Variants in CAMK1 observed in about 807,000 individuals in gnomAD.
CAMK1 encodes calcium/calmodulin-dependent protein kinase type 1.
Under a neutral mutation model 49.1 loss-of-function variants are expected in CAMK1, and 39 were observed. The ratio of observed to expected loss-of-function variants is 0.79; its 90% confidence interval spans 0.62 to 1.04. The LOEUF (loss-of-function observed/expected upper bound fraction) is 1.04. Ranked by LOEUF, CAMK1 falls within the 50% of genes least tolerant of loss-of-function variation. CAMK1 has a pLI of 0.00. For missense variants in CAMK1, 457 were observed against 472.2 expected, an observed-to-expected ratio of 0.97 and a Z score of 0.30; for synonymous variants, 192 against 185.2, an observed-to-expected ratio of 1.04 and a Z score of -0.30.
intron 10 of CAMK1, chr3:9,758,760 G>C (rs4021704): frequency 0.21 from 41,929 of 200,576 alleles, 5,112 homozygotes; most frequent in East Asian, 0.54. Context: ...TTCCCAAGTA[G>C]CTGGGATTAC....
At chr3:9,762,254 C>T (rs769110227) in intron 5 of CAMK1, 3 of 153,812 alleles carry the variant, frequency 2.0e-5, no homozygotes, top group African/African-American at 7.2e-5. Flanking sequence ...AATGTGAGCC[C>T]CGTCGCTATT....
intron 1 of CAMK1, among the ~76,000 whole-genome samples, chr3:9,769,287 C>T (rs1000349198): frequency 6.6e-6 from 1 of 151,894 alleles, no homozygotes; most frequent in Non-Finnish European, 1.5e-5. Flanking sequence ...TACCCTACAC[C>T]CTCCAGCTCC....
chr3:9,765,857 A>C lies in CAMK1; in HGVS notation c.117T>G (p.Asp39Glu), dbSNP rs772044654. Residue 39 changes from aspartate (D) to glutamate (E), a missense_variant, in exon 3 of 12, where the codon GAT (aspartate) becomes GAG (glutamate). Transcript: ENST00000256460. ...TGGCCACCAGCTTCTGCGTCCTCTTATCTTCTGCCAGGATCACCTCCGAGA... is the reference window on the plus strand; with the variant it reads ...TGGCCACCAGCTTCTGCGTCCTCTTCTCTTCTGCCAGGATCACCTCCGAGA... ...GAFSEVILAE[D>E]KRTQKLVAIK... 1 of 1,613,620 alleles carries C rather than the reference A, an allele frequency of 6.2e-7. No individual in the cohort carries two copies.
Position 9,757,518 on chromosome 3 carries a change from C to A in CAMK1, c.*21G>T. 6.2e-7 allele frequency: 1 copy of A among 1,608,762 alleles called. No homozygotes were observed. Among genetic ancestry groups the A allele is most frequent in the South Asian group, 1.1e-5 (1 of 90,718 alleles). On this transcript the variant is annotated 3_prime_UTR_variant, in exon 12 of 12. Coordinates refer to ENST00000256460, the MANE Select transcript of CAMK1 (RefSeq NM_003656.5). This position sits in a 1 kb window ranked among gnomAD's most constrained non-coding sequence, Gnocchi z 4.5. ...CCCCAAGCCCTCCCACGCAGAGGAT[C>A]ATGACCCGAGGTCCAGGGCCCTAGA...
intron 3 of CAMK1, among the ~76,000 whole-genome samples, chr3:9,764,634 T>TG (rs2078062023): frequency 6.8e-6 from 1 of 147,614 alleles, no homozygotes; most frequent in African/African-American, 2.5e-5. Context: ...TTTTGTTTTT[T>TG]TTTTTTTTTT....
chr3:9,768,981 C>T (rs1299906310), intron 1 of CAMK1, among the ~76,000 whole-genome samples: 1 of 152,050 alleles, frequency 6.6e-6, no homozygotes, highest in Non-Finnish European at 1.5e-5. Flanking sequence ...ACACACATCC[C>T]TGTAGCAGAC....
In CAMK1 at chr3:9,757,899, A is replaced by C. The variant is rs887751499; in HGVS notation, c.913-53T>G. On this transcript the variant is annotated intron_variant, in intron 10 of 11. Coordinates refer to ENST00000256460, the MANE Select transcript of CAMK1 (RefSeq NM_003656.5). This position sits in a 1 kb window ranked among gnomAD's most constrained non-coding sequence, Gnocchi z 4.5. Reference sequence around the variant, plus strand: ...GGGAGAAAGGACTTTTGAGAGAGTCAAGTCATGGGGCAGGGGCGCAGTGGG... The same window carrying C: ...GGGAGAAAGGACTTTTGAGAGAGTCCAGTCATGGGGCAGGGGCGCAGTGGG... 8.4e-6 allele frequency: 13 copies of C among 1,556,834 alleles called. No homozygotes were observed. The highest frequency in any genetic ancestry group is 2.7e-5 in the African/African-American group (2 of 73,692).
rs2077807978 is a variant in CAMK1 at position 9,760,565 on chromosome 3, C to T, written c.745+91G>A. The T allele has an allele frequency of 2.1e-5, 28 of 1,335,696 alleles. No individual in the cohort carries two copies. The South Asian group carries it at 3.2e-4, about 15-fold the overall frequency. 82.7% of individuals were successfully genotyped at this position (1,335,696 alleles called of 1,614,324 possible). Reference sequence around the variant, plus strand: ...CTTTGTGTGGTGCTGGAAAATCCGACAGAAGGAAGGCAGGAGGGAGACCGC... The same window carrying T: ...CTTTGTGTGGTGCTGGAAAATCCGATAGAAGGAAGGCAGGAGGGAGACCGC... On this transcript the variant is annotated intron_variant, in intron 8 of 11. Coordinates refer to ENST00000256460, the MANE Select transcript of CAMK1 (RefSeq NM_003656.5).
intron 5 of CAMK1, chr3:9,761,958 G>T: frequency 1.5e-6 from 1 of 664,788 alleles, no homozygotes. Context: ...GTGTGGGGGG[G>T]AACTGTCTCT....
At chr3:9,767,820 A>G (rs555057180) in intron 1 of CAMK1, 39 bp from the exon 2 acceptor site, 313 of 1,590,980 alleles carry the variant, frequency 2.0e-4, no homozygotes, top group African/African-American at 1.4e-3. Flanking sequence ...AGCAGAGCCC[A>G]GCCCTCTGTC....
At chr3:9,759,900 C>T in intron 8 of CAMK1, 150 bp from the exon 9 acceptor site, 3 of 1,298,344 alleles carry the variant, frequency 2.3e-6, no homozygotes, top group Non-Finnish European at 3.2e-6. Context: ...CTATGCTCTT[C>T]TTCAGGCCCT....
Position 9,757,792 on chromosome 3 carries a change from T to C in CAMK1, c.967A>G (p.Thr323Ala). The change falls in exon 11 of 12, where the codon ACC becomes GCC. Residue 323 changes from threonine (T) to alanine (A), a missense_variant. Physicochemically the swap from Thr to Ala is moderately conservative, Grantham distance 58 (BLOSUM62 0). Coordinates refer to ENST00000256460, the MANE Select transcript of CAMK1 (RefSeq NM_003656.5). The surrounding 1 kb of genome is among the most constrained non-coding windows in gnomAD (Gnocchi z 4.5). Reference protein sequence around the residue: ...VRHMRKLQLGTSQEGQGQTAS... With the variant: ...VRHMRKLQLGASQEGQGQTAS... ...GTCTGCCCCTGCCCCTCCTGGCTGGTGCCCAGCTGCAGTTTCCTCATGTGC... is the reference window on the plus strand; with the variant it reads ...GTCTGCCCCTGCCCCTCCTGGCTGGCGCCCAGCTGCAGTTTCCTCATGTGC... 1.9e-6 allele frequency: 3 copies of C among 1,613,906 alleles called. No homozygotes were observed. Among genetic ancestry groups the C allele is most frequent in the Non-Finnish European group, 2.5e-6 (3 of 1,179,848 alleles).
intron 5 of CAMK1, 58 bp downstream of exon 5, chr3:9,762,856 G>A (rs1463015055): frequency 6.4e-7 from 1 of 1,568,322 alleles, no homozygotes; most frequent in South Asian, 1.1e-5. Flanking sequence ...GACAGTTTGG[G>A]GTTTGCAAAG....
chr3:9,769,539 A>G (rs1364198444), intron 1 of CAMK1, among the ~76,000 whole-genome samples: 1 of 152,064 alleles, frequency 6.6e-6, no homozygotes, highest in Non-Finnish European at 1.5e-5. Context: ...ACACTCCGCA[A>G]GCCCCCCCAC....
At position 9,767,886 on chromosome 3, in the gene CAMK1, A is replaced by T. The variant is rs2078198955; in HGVS notation, c.-32-105T>A. On this transcript the variant is annotated intron_variant, in intron 1 of 11. Coordinates refer to ENST00000256460, the MANE Select transcript of CAMK1 (RefSeq NM_003656.5). The stretch of plus-strand genomic sequence containing the variant: ...TTCAACCTGCATTTATTCATCCTTG[A>T]TTCATCCATTTGACAAAATCATTCA... 5 of 1,387,968 alleles carry T rather than the reference A, an allele frequency of 3.6e-6. No homozygotes were observed. In the South Asian group the frequency reaches 6.2e-5, roughly 17 times the overall value. 86.0% of individuals were successfully genotyped at this position (1,387,968 alleles called of 1,614,324 possible).
Position 9,757,615 on chromosome 3 carries a change from G to C in CAMK1, c.1037C>G (p.Ala346Gly). The C allele has an allele frequency of 6.2e-7, 1 of 1,614,166 alleles. No homozygotes were observed. The highest frequency in any genetic ancestry group is 1.3e-5 in the African/African-American group (1 of 75,040). ...GCAGTCTCGACAGCAACAGCCAGCT[G>C]CCGGCCCTGCATGGGAAGACAGAAC... ...ELLTPVAGGP[A>G]AGCCCRDCCV... is the part of the protein sequence containing the mutation. The change falls in exon 12 of 12, where the codon GCA (alanine) becomes GGA (glycine). Residue 346 changes from alanine to glycine, a missense_variant. Ala to Gly is a moderately conservative substitution (Grantham distance 60). Coordinates refer to ENST00000256460, the MANE Select transcript of CAMK1 (RefSeq NM_003656.5). This position sits in a 1 kb window ranked among gnomAD's most constrained non-coding sequence, Gnocchi z 4.5.
rs765378672 is a variant in CAMK1, at chr3:9,760,741, G to T, written c.660C>A (p.Asp220Glu). 6.2e-7 allele frequency: 1 copy of T among 1,613,856 alleles called. No homozygotes were observed. The highest frequency in any genetic ancestry group is 8.5e-7 in the Non-Finnish European group (1 of 1,179,938). Residue 220 changes from aspartate to glutamate, a missense_variant, in exon 8 of 12, where the codon GAC becomes GAA. Physicochemically the swap from Asp to Glu is conservative, Grantham distance 45 (BLOSUM62 2). Transcript: ENST00000256460. ...ILLCGYPPFY[D>E]ENDAKLFEQI... ...GTTCAAAGAGTTTGGCATCATTCTCGTCATAGAAGGGAGGGTAACCGCAGA... is the reference window on the plus strand; with the variant it reads ...GTTCAAAGAGTTTGGCATCATTCTCTTCATAGAAGGGAGGGTAACCGCAGA...
chr3:9,762,744 G>T (rs968658731), intron 5 of CAMK1, among the ~76,000 whole-genome samples, 170 bp downstream of exon 5: 2 of 152,022 alleles, frequency 1.3e-5, no homozygotes, highest in Non-Finnish European at 2.9e-5. Context: ...GTTCCTTTGA[G>T]TATCTGGACT....
chr3:9,761,955 G>C (rs1319161660), intron 5 of CAMK1, 198 bp from the exon 6 acceptor site: 12 of 690,262 alleles, frequency 1.7e-5, no homozygotes, highest in Admixed American at 1.5e-4. Context: ...AGGGTGTGGG[G>C]GGGAACTGTC....
Sources: allele counts gnomAD v4.1 joint callset (sites outside exome capture counted in the v4.1 genomes callset), GRCh38; gene constraint gnomAD v4.1.1; non-coding constraint Gnocchi (gnomAD v3.1); transcripts MANE v1.5; gene names NCBI Gene and HGNC (gene_info 2026-07-23, HGNC 2026-07-21).